Variants in HS3ST4 observed in about 807,000 individuals in gnomAD.
HS3ST4 encodes heparan sulfate-glucosamine 3-sulfotransferase 4.
In HS3ST4, 17 loss-of-function variants were observed where a neutral mutation model predicts 29.2. That is an observed-to-expected ratio of 0.58 (90% CI 0.40 to 0.87). The LOEUF (loss-of-function observed/expected upper bound fraction) is 0.87, where lower values mean the gene tolerates loss of function less well. Ranked by LOEUF, HS3ST4 falls within the 40% of genes least tolerant of loss-of-function variation. The probability of loss-of-function intolerance (pLI) is 0.00; values close to 1 mark genes in which losing one functional copy is unlikely to be tolerated. For synonymous variants in HS3ST4, 314 were observed against 285.7 expected, an observed-to-expected ratio of 1.10 and a Z score of -1.00; for missense variants, 627 against 634.5, an observed-to-expected ratio of 0.99 and a Z score of 0.13.
At chr16:25,869,079 A>T (rs1278121448) in intron 1 of HS3ST4, among the ~76,000 whole-genome samples, 1 of 152,136 alleles carries the variant, frequency 6.6e-6, no homozygotes, top group Non-Finnish European at 1.5e-5. Context: ...GATAGCAGTA[A>T]TTACCAAAGG....
rs539136064 is a variant in HS3ST4, at chr16:25,950,554, G to A, written c.735-185058G>A. ...CAGACTGCTTGTTTAATGCCATACAGATCCAACTATTTTTTGCCTGAAATG... is the reference window on the plus strand; with the variant it reads ...CAGACTGCTTGTTTAATGCCATACAAATCCAACTATTTTTTGCCTGAAATG... On this transcript the variant is annotated intron_variant, in intron 1 of 1. Transcript: ENST00000331351. 2.0e-5 allele frequency among the ~76,000 whole-genome samples: 3 copies of A among 152,146 alleles called. No homozygotes were observed. In the South Asian group the frequency reaches 6.2e-4, roughly 32 times the overall value.
At chr16:25,732,259 T>C (rs762733538) in intron 1 of HS3ST4, among the ~76,000 whole-genome samples, 9 of 152,202 alleles carry the variant, frequency 5.9e-5, no homozygotes, top group African/African-American at 9.6e-5. Flanking sequence ...CAAATAAGCA[T>C]TAGTAAAAAT....
chr16:26,071,679 A>G (rs868042550), intron 1 of HS3ST4, among the ~76,000 whole-genome samples: 4 of 152,188 alleles, frequency 2.6e-5, no homozygotes, highest in African/African-American at 9.7e-5. Flanking sequence ...GGTCGGTTGC[A>G]GGACTCAAGT....
At chr16:25,843,495 C>A (rs62036290) in intron 1 of HS3ST4, among the ~76,000 whole-genome samples, 1 of 152,152 alleles carries the variant, frequency 6.6e-6, no homozygotes, top group African/African-American at 2.4e-5. Flanking sequence ...ATTCTATCAA[C>A]CAAATATAAA....
At chr16:25,842,350 A>G (rs1227575921) in intron 1 of HS3ST4, among the ~76,000 whole-genome samples, 1 of 152,262 alleles carries the variant, frequency 6.6e-6, no homozygotes. Flanking sequence ...CACTGAGATA[A>G]CTGACACAGT....
intron 1 of HS3ST4, among the ~76,000 whole-genome samples, chr16:26,131,164 A>C (rs1047571266): frequency 2.0e-5 from 3 of 152,004 alleles, no homozygotes; most frequent in Non-Finnish European, 4.4e-5. Context: ...TGCCCTCTCC[A>C]CCTACACCCA....
chr16:25,732,067 G>A (rs575298127), intron 1 of HS3ST4, among the ~76,000 whole-genome samples: 35 of 152,272 alleles, frequency 2.3e-4, no homozygotes, highest in African/African-American at 6.7e-4. Context: ...CCCATAAGGG[G>A]TTGACTAGAG....
At position 25,811,433 on chromosome 16, in the gene HS3ST4, T is replaced by C. The variant is rs573911976; in HGVS notation, c.734+118282T>C. On this transcript the variant is annotated intron_variant, in intron 1 of 1. Coordinates refer to ENST00000331351, the MANE Select transcript of HS3ST4 (RefSeq NM_006040.3). ...AACATTTTCTTCTTCTTTTTTTTTT[T>C]TTCTTTTTTTTTTTTTTGAGATGGA... 6.6e-4 allele frequency among the ~76,000 whole-genome samples: 59 copies of C among 89,192 alleles called. No individual in the cohort carries two copies. In the East Asian group the frequency reaches 0.018, roughly 27 times the overall value. 58.5% of individuals were successfully genotyped at this position (89,192 alleles called of 152,430 possible).
intron 1 of HS3ST4, among the ~76,000 whole-genome samples, chr16:26,002,778 A>G (rs996541275): frequency 5.9e-5 from 9 of 151,674 alleles, no homozygotes; most frequent in Admixed American, 4.6e-4. Flanking sequence ...AAAAAGAAGG[A>G]AAGAAAGAAA....
chr16:25,817,691 G>A (rs562472891), intron 1 of HS3ST4, among the ~76,000 whole-genome samples: 1 of 152,198 alleles, frequency 6.6e-6, no homozygotes, highest in South Asian at 2.1e-4. Context: ...TTTGCAATCT[G>A]TTCTGTATCC....
rs1197685134 is a variant in HS3ST4 at position 25,759,444 on chromosome 16, TTGAAA to T, written c.734+66302_734+66306del. 9.2e-5 allele frequency among the ~76,000 whole-genome samples: 14 copies of T among 152,268 alleles called. No homozygotes were observed. The South Asian group carries it at 2.1e-3, about 23-fold the overall frequency. ...TAGCTTGCAGTCTAGTGGTGCAAAC[TTGAAA>T]TGAAATGACCACACATACCATGTCG... On this transcript the variant is annotated intron_variant, in intron 1 of 1. Coordinates refer to ENST00000331351, the MANE Select transcript of HS3ST4 (RefSeq NM_006040.3).
At chr16:25,941,761 A>G (rs1431845330) in intron 1 of HS3ST4, among the ~76,000 whole-genome samples, 1 of 151,928 alleles carries the variant, frequency 6.6e-6, no homozygotes, top group Admixed American at 6.6e-5. Flanking sequence ...TATTTTTAGC[A>G]GAGATGGCAT....
At chr16:26,084,080 C>T (rs1287597613) in intron 1 of HS3ST4, among the ~76,000 whole-genome samples, 3 of 152,108 alleles carry the variant, frequency 2.0e-5, no homozygotes, top group African/African-American at 7.2e-5. Flanking sequence ...TGGAGTTTGC[C>T]CTGATGGTCT....
At chr16:26,088,458 G>T (rs918609085) in intron 1 of HS3ST4, among the ~76,000 whole-genome samples, 1 of 152,126 alleles carries the variant, frequency 6.6e-6, no homozygotes. Flanking sequence ...TGGCTTGGTT[G>T]GTTTGTTGTG....
At chr16:25,767,465 G>A (rs1026622347) in intron 1 of HS3ST4, among the ~76,000 whole-genome samples, 1 of 152,140 alleles carries the variant, frequency 6.6e-6, no homozygotes, top group African/African-American at 2.4e-5. Context: ...TCCATGGGAG[G>A]TGGGGGGTGA....
chr16:25,986,520 G>A (rs1353420792), intron 1 of HS3ST4, among the ~76,000 whole-genome samples: 1 of 152,202 alleles, frequency 6.6e-6, no homozygotes, highest in African/African-American at 2.4e-5. Flanking sequence ...TGCTAGCTAA[G>A]CAGCTACATC....
chr16:25,799,686 C>G (rs142183487), intron 1 of HS3ST4, among the ~76,000 whole-genome samples: 3 of 152,232 alleles, frequency 2.0e-5, no homozygotes, highest in Admixed American at 6.5e-5. Context: ...CACATGTTTC[C>G]TCATCTGTAA....
chr16:26,078,245 T>TA (rs1898688203), intron 1 of HS3ST4, among the ~76,000 whole-genome samples: 2 of 152,124 alleles, frequency 1.3e-5, no homozygotes, highest in African/African-American at 4.8e-5. Flanking sequence ...GGTTCATGCC[T>TA]ATTCTTCTGC....
At chr16:25,857,972 C>CTTTCTTTCTTTG (rs1221917032) in intron 1 of HS3ST4, among the ~76,000 whole-genome samples, 6 of 40,588 alleles carry the variant, frequency 1.5e-4, no homozygotes, top group Non-Finnish European at 2.2e-4. Context: ...TTCTTTCTTT[C>CTTTCTTTCTTTG]TCTTTTCTGT....
Sources: gnomAD v4.1 joint callset for allele counts (sites outside exome capture counted in the v4.1 genomes callset) on GRCh38, gnomAD v4.1.1 for gene constraint, MANE v1.5 for transcripts, NCBI Gene and HGNC (gene_info 2026-07-23, HGNC 2026-07-21) for gene names.